The following ADCY5 variants were observed in gnomAD, a reference collection of about 807,000 sequenced individuals.
The protein encoded by ADCY5 is adenylate cyclase type 5.
Under a neutral mutation model 119.7 loss-of-function variants are expected in ADCY5, and 30 were observed. The observed-to-expected ratio is 0.25, with a 90% CI of 0.19 to 0.34. The LOEUF (loss-of-function observed/expected upper bound fraction) is 0.34, where lower values mean the gene tolerates loss of function less well. ADCY5 is among the 10% of genes least tolerant of loss of function. The pLI is 1.00. For missense variants in ADCY5, 1,324 were observed against 1,775.2 expected (o/e 0.75, Z 4.57); for synonymous variants, 753 against 762.2 (o/e 0.99, Z 0.20).
rs935097023 is a variant in ADCY5, at chr3:123,389,555, G to T, written c.1135-36974C>A. Among the ~76,000 whole-genome samples, 7 of 151,802 alleles carry T rather than the reference G, an allele frequency of 4.6e-5. No individual in the cohort carries two copies. In the South Asian group the frequency reaches 6.3e-4, roughly 14 times the overall value. On this transcript the variant is annotated intron_variant, in intron 1 of 20. Coordinates refer to ENST00000462833, the MANE Select transcript of ADCY5 (RefSeq NM_183357.3). ...AGCACACACACATGCGCACACACAC[G>T]TTCCACACCATGCTGGCCACTCCTG...
At chr3:123,392,937 G>T (rs114086529) in intron 1 of ADCY5, among the ~76,000 whole-genome samples, 3,638 of 152,246 alleles carry the variant, frequency 0.024, 130 homozygotes, top group African/African-American at 0.082. Flanking sequence ...GGTGTCTGTG[G>T]CTTTATGATC....
Position 123,304,141 on chromosome 3 carries a change from G to T in ADCY5, c.2485C>A (p.Arg829=). 6.6e-7 allele frequency: 1 copy of T among 1,519,844 alleles called. No homozygotes were observed. The highest frequency in any genetic ancestry group is 8.9e-7 in the Non-Finnish European group (1 of 1,123,282). 94.1% of individuals were successfully genotyped at this position (1,519,844 alleles called of 1,614,324 possible). ...ACCAGGGTGCTGTTCATCTTGGACCGCACGATCTTCCTGGAGAGGGTCTGC... is the reference window on the plus strand; with the variant it reads ...ACCAGGGTGCTGTTCATCTTGGACCTCACGATCTTCCTGGAGAGGGTCTGC... ...PLQTLSRKIV[R]SKMNSTLVGV... Residue 829 remains arginine (R), a synonymous_variant, in exon 13 of 21, where the codon CGG becomes AGG. Coordinates refer to ENST00000462833, the MANE Select transcript of ADCY5 (RefSeq NM_183357.3).
intron 1 of ADCY5, among the ~76,000 whole-genome samples, chr3:123,440,136 G>A (rs1395722813): frequency 6.6e-6 from 1 of 152,194 alleles, no homozygotes; most frequent in Non-Finnish European, 1.5e-5. Flanking sequence ...TCATTTGCTT[G>A]TTCATTCAAA....
At chr3:123,403,646 C>T (rs981618323) in intron 1 of ADCY5, among the ~76,000 whole-genome samples, 7 of 152,200 alleles carry the variant, frequency 4.6e-5, no homozygotes, top group Non-Finnish European at 5.9e-5. Flanking sequence ...CCCAATCCCC[C>T]TCAACACCAC....
chr3:123,298,373 C>T (rs1233615921), intron 15 of ADCY5, among the ~76,000 whole-genome samples: 1 of 152,128 alleles, frequency 6.6e-6, no homozygotes, highest in Non-Finnish European at 1.5e-5. Flanking sequence ...AACTTCAGCG[C>T]CTGAAGAGGA....
At chr3:123,416,941 C>T (rs985519072) in intron 1 of ADCY5, among the ~76,000 whole-genome samples, 2 of 152,142 alleles carry the variant, frequency 1.3e-5, no homozygotes, top group Admixed American at 1.3e-4. Flanking sequence ...AGAGAAAAGA[C>T]CCAGCGAAAG....
At chr3:123,323,720 C>T (rs374230322) in intron 8 of ADCY5, among the ~76,000 whole-genome samples, 55 of 152,186 alleles carry the variant, frequency 3.6e-4, no homozygotes, top group African/African-American at 1.3e-3. Context: ...AGTGCAGTGG[C>T]GTGATCATGG....
At position 123,284,779 on chromosome 3, in the gene ADCY5, T is replaced by C. The variant is rs748003326; in HGVS notation, c.3658-43A>G. On this transcript the variant is annotated intron_variant, in intron 20 of 20. Transcript: ENST00000462833. ...GAGAGAGGGCAAGCCACTGATGGCCTTGGCCATGAACTGCTGTGGGGTAGA... is the reference window on the plus strand; with the variant it reads ...GAGAGAGGGCAAGCCACTGATGGCCCTGGCCATGAACTGCTGTGGGGTAGA... 4 of 1,613,182 alleles carry C rather than the reference T, an allele frequency of 2.5e-6. No homozygotes were observed. The South Asian group carries it at 4.4e-5, about 18-fold the overall frequency.
intron 1 of ADCY5, among the ~76,000 whole-genome samples, chr3:123,397,800 C>G (rs1052776114): frequency 2.0e-5 from 3 of 152,122 alleles, no homozygotes; most frequent in African/African-American, 7.2e-5. Flanking sequence ...AGGAAGGGGA[C>G]TGAGGAAAAG....
intron 1 of ADCY5, among the ~76,000 whole-genome samples, chr3:123,373,909 G>A (rs1943732203): frequency 6.6e-6 from 1 of 152,136 alleles, no homozygotes; most frequent in Non-Finnish European, 1.5e-5. Flanking sequence ...ATAAAATCAG[G>A]ATAGGGCTTC....
At chr3:123,387,178 T>C (rs1944252901) in intron 1 of ADCY5, among the ~76,000 whole-genome samples, 3 of 152,252 alleles carry the variant, frequency 2.0e-5, no homozygotes, top group Admixed American at 2.0e-4. Flanking sequence ...TGTATGTGTA[T>C]ACACAGATTT....
At chr3:123,346,320 G>C (rs987506242) in intron 3 of ADCY5, among the ~76,000 whole-genome samples, 2 of 152,246 alleles carry the variant, frequency 1.3e-5, no homozygotes, top group African/African-American at 4.8e-5. Context: ...TGGAGATTCA[G>C]CCAGGGGCAG....
intron 1 of ADCY5, among the ~76,000 whole-genome samples, chr3:123,360,159 G>A (rs1003559938): frequency 2.6e-5 from 4 of 151,718 alleles, no homozygotes; most frequent in African/African-American, 7.3e-5. Flanking sequence ...CAAGATTGCT[G>A]TTATGTGTTT....
intron 1 of ADCY5, among the ~76,000 whole-genome samples, chr3:123,422,835 G>T (rs183867387): frequency 1.3e-5 from 2 of 152,346 alleles, no homozygotes; most frequent in Non-Finnish European, 2.9e-5. Flanking sequence ...TTTCAGGGGA[G>T]GGGGCAAGCA....
chr3:123,384,762 GAATCCCAAGTTTTCT>G (rs1944161178), intron 1 of ADCY5, among the ~76,000 whole-genome samples: 1 of 152,134 alleles, frequency 6.6e-6, no homozygotes, highest in Non-Finnish European at 1.5e-5. Flanking sequence ...GACAGTCTCT[GAATCCCAAGTTTTCT>G]AACTTGGGAA....
chr3:123,388,471 A>G (rs1191615247), intron 1 of ADCY5, among the ~76,000 whole-genome samples: 1 of 152,156 alleles, frequency 6.6e-6, no homozygotes, highest in Non-Finnish European at 1.5e-5. Context: ...AGGGGTACAC[A>G]TGATGGGTTT....
rs58986112 is a variant in ADCY5, at chr3:123,358,195, T to TGTGTGTGTGTGTGTGTGTGA, written c.1135-5615_1135-5614insTCACACACACACACACACAC. Among the ~76,000 whole-genome samples, 501 of 149,172 alleles carry TGTGTGTGTGTGTGTGTGTGA rather than the reference T, an allele frequency of 3.4e-3. 1 individual carries two copies. The highest frequency in any genetic ancestry group is 0.012 in the African/African-American group (462 of 40,022). The stretch of plus-strand genomic sequence containing the variant: ...GTGTGTGTGTGTGTGTGTGTGTGTG[T>TGTGTGTGTGTGTGTGTGTGA]AGGGAGTTGGTGGTATGGCGGAGCA... On this transcript the variant is annotated intron_variant, in intron 1 of 20. Transcript: ENST00000462833.
At chr3:123,361,826 A>T (rs1477537525) in intron 1 of ADCY5, among the ~76,000 whole-genome samples, 1 of 152,226 alleles carries the variant, frequency 6.6e-6, no homozygotes, top group Non-Finnish European at 1.5e-5. Flanking sequence ...GCCTGAAGGT[A>T]ATTTTATACA....
intron 1 of ADCY5, among the ~76,000 whole-genome samples, chr3:123,378,359 G>C (rs1943915184): frequency 6.6e-6 from 1 of 151,852 alleles, no homozygotes; most frequent in Admixed American, 6.6e-5. Context: ...GAACAGGTGA[G>C]ACCACGCCAC....
Sources: allele counts gnomAD v4.1 joint callset (sites outside exome capture counted in the v4.1 genomes callset), GRCh38; gene constraint gnomAD v4.1.1; transcripts MANE v1.5; gene names NCBI Gene and HGNC (gene_info 2026-07-23, HGNC 2026-07-21).